Variants in CYP46A1 observed in about 807,000 individuals in gnomAD.
CYP46A1 encodes the protein cytochrome P450 family 46 subfamily A member 1.
In CYP46A1, 20 loss-of-function variants were observed where a neutral mutation model predicts 63.3. That is an observed-to-expected ratio of 0.32 (90% CI 0.22 to 0.46). CYP46A1 has a LOEUF of 0.46. Ranked by LOEUF, CYP46A1 falls within the 20% of genes least tolerant of loss-of-function variation. The pLI, the probability that CYP46A1 is intolerant of heterozygous loss-of-function variation, is 1.00. For synonymous variants in CYP46A1, 268 were observed against 273.6 expected (o/e 0.98, Z 0.20); for missense variants, 445 against 670.8 (o/e 0.66, Z 3.72).
Position 99,725,772 on chromosome 14 carries a change from T to C in CYP46A1, c.1265+293T>C, listed in dbSNP as rs1467954525. On this transcript the variant is annotated intron_variant, in intron 13 of 14. Transcript: ENST00000261835. This position sits in a 1 kb window ranked among gnomAD's most constrained non-coding sequence, Gnocchi z 4.2. ...AGCCTTGAGGTTCCTGTCTGAGAAA[T>C]GGGACCATCCGTGGCTGCATCTGCA... Among the ~76,000 whole-genome samples the C allele has an allele frequency of 5.9e-5, 9 of 152,194 alleles. No individual in the cohort carries two copies. Among genetic ancestry groups the C allele is most frequent in the African/African-American group, 1.9e-4 (8 of 41,454 alleles).
At chr14:99,687,983 G>GGT (rs76169349) in intron 1 of CYP46A1, among the ~76,000 whole-genome samples, 3 of 149,594 alleles carry the variant, frequency 2.0e-5, no homozygotes, top group Non-Finnish European at 4.5e-5. Context: ...GAAGGAATGG[G>GGT]TTTTTTTTCC....
intron 7 of CYP46A1, chr14:99,709,852 C>A (rs1287423581): frequency 6.6e-6 from 1 of 152,120 alleles, no homozygotes; most frequent in African/African-American, 2.4e-5. Context: ...AGCATGAATT[C>A]ACATATAAAG....
chr14:99,697,429 A>G (rs1470494603), intron 3 of CYP46A1, among the ~76,000 whole-genome samples: 2 of 152,160 alleles, frequency 1.3e-5, no homozygotes, highest in South Asian at 2.1e-4. Flanking sequence ...ATCTCTGTCT[A>G]TTCAACTTGG....
chr14:99,707,429 A>T, intron 6 of CYP46A1, 139 bp from the exon 7 acceptor site: 1 of 640,476 alleles, frequency 1.6e-6, no homozygotes. Context: ...ATCATGGGTC[A>T]TTGTAAGCAG....
At chr14:99,724,864 C>T (rs982866586) in intron 12 of CYP46A1, among the ~76,000 whole-genome samples, 3 of 152,194 alleles carry the variant, frequency 2.0e-5, no homozygotes, top group Admixed American at 6.5e-5. Flanking sequence ...ACAGAGTGAG[C>T]GTCAGCCCCA....
At chr14:99,697,758 C>A (rs1001003965) in intron 3 of CYP46A1, among the ~76,000 whole-genome samples, 7 of 152,154 alleles carry the variant, frequency 4.6e-5, no homozygotes, top group African/African-American at 1.7e-4. Context: ...TCCTCACATC[C>A]CATAGTTTAT....
rs752350612 is a variant in CYP46A1 at position 99,691,814 on chromosome 14, G to A, written c.235G>A (p.Val79Ile). The change falls in exon 3 of 15, where the codon GTC becomes ATC. Residue 79 changes from valine (V) to isoleucine (I), a missense_variant. Transcript: ENST00000261835. ...KKYGPVVRVN[V>I]FHKTSVIVTS... Reference sequence around the variant, plus strand: ...GTATGGACCTGTTGTGCGGGTCAACGTCTTCCACAAAACCTCAGTCATCGT... The same window carrying A: ...GTATGGACCTGTTGTGCGGGTCAACATCTTCCACAAAACCTCAGTCATCGT... The A allele has an allele frequency of 6.2e-7, 1 of 1,614,186 alleles. No homozygotes were observed. Among genetic ancestry groups the A allele is most frequent in the Non-Finnish European group, 8.5e-7 (1 of 1,180,034 alleles).
intron 14 of CYP46A1, 84 bp from the exon 15 acceptor site, chr14:99,726,458 TCTCCAGGAGGAGAGC>T: frequency 7.8e-7 from 1 of 1,284,696 alleles, no homozygotes; most frequent in Non-Finnish European, 1.0e-6. Flanking sequence ...TCTCACAGGC[TCTCCAGGAGGAGAGC>T]CGGCTGTGAC....
chr14:99,723,454 G>A (rs1422177061), intron 12 of CYP46A1, among the ~76,000 whole-genome samples: 7 of 152,124 alleles, frequency 4.6e-5, no homozygotes, highest in Admixed American at 2.0e-4. Flanking sequence ...GACTACAGGT[G>A]CACACCCCCA....
chr14:99,687,990 T>TC (rs2056509564), intron 1 of CYP46A1, among the ~76,000 whole-genome samples: 1 of 148,322 alleles, frequency 6.7e-6, no homozygotes, highest in African/African-American at 2.5e-5. Flanking sequence ...TGGGTTTTTT[T>TC]TCCCCTTTCT....
intron 1 of CYP46A1, chr14:99,684,895 T>G (rs1035259884): frequency 1.9e-5 from 7 of 370,318 alleles, no homozygotes; most frequent in Admixed American, 1.4e-4. Flanking sequence ...CAGGTCAGCC[T>G]GCCTCCAAAG....
At chr14:99,697,836 G>A (rs953270012) in intron 3 of CYP46A1, among the ~76,000 whole-genome samples, 2 of 152,124 alleles carry the variant, frequency 1.3e-5, no homozygotes, top group Non-Finnish European at 1.5e-5. Context: ...GGTTGTGGGG[G>A]TCACCTGGTC....
chr14:99,691,969 T>A, intron 3 of CYP46A1, 108 bp downstream of exon 3: 1 of 1,106,262 alleles, frequency 9.0e-7, no homozygotes, highest in Non-Finnish European at 1.3e-6. Context: ...GCCAGGCGCA[T>A]TTCGGCTGGT....
intron 10 of CYP46A1, 122 bp from the exon 11 acceptor site, chr14:99,721,117 T>A: frequency 1.4e-6 from 1 of 713,930 alleles, no homozygotes; most frequent in Non-Finnish European, 2.5e-6. Context: ...GTAACAGTGT[T>A]TGTGAGTGGG....
chr14:99,707,743 C>G, intron 7 of CYP46A1, 65 bp downstream of exon 7: 1 of 1,414,450 alleles, frequency 7.1e-7, no homozygotes, highest in Non-Finnish European at 9.8e-7. Flanking sequence ...TGCTGAAGAA[C>G]CTCCTTCAGT....
At chr14:99,711,085 G>A (rs1301726380) in intron 7 of CYP46A1, 3 of 151,816 alleles carry the variant, frequency 2.0e-5, no homozygotes, top group East Asian at 1.9e-4. Context: ...AATTAAGAAG[G>A]AAATAAAAAA....
rs1470996250 is a variant in CYP46A1, at chr14:99,691,843, G to C, written c.264G>C (p.Thr88=). The part of the protein sequence containing the change: ...NVFHKTSVIV[T]SPESVKKFLM... ...TCCACAAAACCTCAGTCATCGTCAC[G>C]AGTCCTGAGTCGGTTAAGGTAGGAG... The change falls in exon 3 of 15, where the codon ACG becomes ACC. Residue 88 remains threonine (T), a synonymous_variant. Coordinates refer to ENST00000261835, the MANE Select transcript of CYP46A1 (RefSeq NM_006668.2). 3.7e-6 allele frequency: 6 copies of C among 1,614,080 alleles called. No homozygotes were observed. Among genetic ancestry groups the C allele is most frequent in the African/African-American group, 1.3e-5 (1 of 74,922 alleles).
intron 1 of CYP46A1, among the ~76,000 whole-genome samples, chr14:99,685,208 C>T (rs2056482347): frequency 2.0e-5 from 3 of 151,306 alleles, no homozygotes; most frequent in Admixed American, 1.3e-4. Flanking sequence ...GGCTGCATGG[C>T]CCGCGAGGCC....
intron 14 of CYP46A1, 136 bp downstream of exon 14, chr14:99,726,392 A>G: frequency 8.6e-7 from 1 of 1,166,250 alleles, no homozygotes; most frequent in Non-Finnish European, 1.2e-6. Flanking sequence ...AGCCAGACCC[A>G]GAGGACTGGC....
Sources: gnomAD v4.1 joint callset for allele counts (sites outside exome capture counted in the v4.1 genomes callset) on GRCh38, gnomAD v4.1.1 for gene constraint, Gnocchi (gnomAD v3.1) non-coding constraint, MANE v1.5 for transcripts, NCBI Gene and HGNC (gene_info 2026-07-23, HGNC 2026-07-21) for gene names.